RANBP2: variants seen among roughly 807,000 people sequenced by gnomAD.
RANBP2 encodes the protein RAN binding protein 2.
In RANBP2, 57 loss-of-function variants were observed where a neutral mutation model predicts 303.6. The observed-to-expected ratio is 0.19, with a 90% confidence interval of 0.15 to 0.23. RANBP2 has a LOEUF of 0.23. Ranked by LOEUF, RANBP2 falls within the 10% of genes least tolerant of loss-of-function variation. The pLI, the probability that RANBP2 is intolerant of heterozygous loss-of-function variation, is 1.00. For missense variants in RANBP2, 3,138 were observed against 3,780.8 expected, an observed-to-expected ratio of 0.83 and a Z score of 4.46; for synonymous variants, 1,167 against 1,301.5, an observed-to-expected ratio of 0.90 and a Z score of 2.23.
the RANBP2 span, chr2:109,544,239 G>T: frequency 6.2e-7 from 1 of 1,611,748 alleles, no homozygotes; most frequent in Non-Finnish European, 8.5e-7. Flanking sequence ...CAAAATCAAA[G>T]CACACTTCTA....
chr2:109,359,159 A>G, the RANBP2 span, among the ~76,000 whole-genome samples: 1 of 152,184 alleles, frequency 6.6e-6, no homozygotes, highest in Non-Finnish European at 1.5e-5. Flanking sequence ...ATTGCCAATG[A>G]CAGACTGTCT....
the RANBP2 span, among the ~76,000 whole-genome samples, chr2:109,651,678 G>A: frequency 2.0e-5 from 3 of 152,170 alleles, no homozygotes; most frequent in Non-Finnish European, 2.9e-5. Context: ...TGATTTGAGC[G>A]GTTGGCTGGG....
the RANBP2 span, among the ~76,000 whole-genome samples, chr2:109,676,229 C>A: frequency 6.6e-6 from 1 of 152,246 alleles, no homozygotes; most frequent in South Asian, 2.1e-4. Context: ...CACGTCCACA[C>A]CCTGGAAGGT....
At chr2:108,982,737 G>T in the RANBP2 span, among the ~76,000 whole-genome samples, 4 of 152,160 alleles carry the variant, frequency 2.6e-5, no homozygotes, top group East Asian at 7.7e-4. Context: ...CTGGTTTTTA[G>T]AATTGACTCA....
the RANBP2 span, among the ~76,000 whole-genome samples, chr2:109,739,893 C>T: frequency 6.9e-6 from 1 of 145,842 alleles, no homozygotes; most frequent in Non-Finnish European, 1.5e-5. Flanking sequence ...AGGTATGTTT[C>T]TTCTATACCC....
the RANBP2 span, among the ~76,000 whole-genome samples, chr2:109,598,794 T>G: frequency 1.3e-5 from 2 of 151,960 alleles, no homozygotes; most frequent in Admixed American, 6.6e-5. Context: ...GCAGGAGAAC[T>G]GCTTGAACCA....
At chr2:109,289,444 A>G in the RANBP2 span, among the ~76,000 whole-genome samples, 1,219 of 152,244 alleles carry the variant, frequency 8.0e-3, 12 homozygotes, top group East Asian at 0.037. Context: ...TCTTGATGCT[A>G]CATGTCACGG....
chr2:109,390,498 TA>T, the RANBP2 span, among the ~76,000 whole-genome samples: 4,628 of 152,284 alleles, frequency 0.03, 223 homozygotes, highest in African/African-American at 0.11. Context: ...AATGACAATG[TA>T]GATTGCCAGT....
At chr2:108,936,539 C>T in the RANBP2 span, among the ~76,000 whole-genome samples, 1 of 152,276 alleles carries the variant, frequency 6.6e-6, no homozygotes, top group African/African-American at 2.4e-5. Context: ...CTCCTTCCTC[C>T]AGGAAGACCC....
At chr2:108,763,108 G>T in intron 19 of RANBP2, 129 bp from the exon 20 acceptor site, 2 of 1,107,710 alleles carry the variant, frequency 1.8e-6, no homozygotes, top group Non-Finnish European at 2.6e-6. Context: ...TTAATGATGT[G>T]TACTACATCC....
chr2:109,008,801 C>T, the RANBP2 span, among the ~76,000 whole-genome samples: 1 of 151,218 alleles, frequency 6.6e-6, no homozygotes, highest in Non-Finnish European at 1.5e-5. Context: ...ACTCAAGAGG[C>T]TGACGCAGAA....
intron 14 of RANBP2, 105 bp from the exon 15 acceptor site, chr2:108,753,720 G>C: frequency 2.5e-6 from 4 of 1,593,850 alleles, no homozygotes; most frequent in Non-Finnish European, 3.4e-6. Flanking sequence ...TTGTGCCTCA[G>C]CTCCCGAGTA....
chr2:109,600,363 G>A, the RANBP2 span, among the ~76,000 whole-genome samples: 1 of 152,034 alleles, frequency 6.6e-6, no homozygotes, highest in South Asian at 2.1e-4. Context: ...CCTCCTACAT[G>A]TCTGCTTGCA....
the RANBP2 span, among the ~76,000 whole-genome samples, chr2:108,824,906 G>T: frequency 6.6e-6 from 1 of 152,164 alleles, no homozygotes; most frequent in Non-Finnish European, 1.5e-5. Flanking sequence ...TATGTGGTCA[G>T]TTGACCGAAA....
chr2:109,364,842 G>C, the RANBP2 span, among the ~76,000 whole-genome samples: 3 of 152,130 alleles, frequency 2.0e-5, no homozygotes, highest in Non-Finnish European at 4.4e-5. Context: ...TGTACTCTCA[G>C]CACTTTGGGA....
the RANBP2 span, among the ~76,000 whole-genome samples, chr2:109,202,210 G>A: frequency 6.6e-6 from 1 of 152,186 alleles, no homozygotes; most frequent in Admixed American, 6.5e-5. Context: ...TGTTTCCCAA[G>A]CCACCTGTGG....
chr2:109,330,745 A>G, the RANBP2 span, among the ~76,000 whole-genome samples: 1 of 152,192 alleles, frequency 6.6e-6, no homozygotes, highest in African/African-American at 2.4e-5. Flanking sequence ...AGATGGGTGG[A>G]TAAAGATAAT....
chr2:108,808,368 A>G, the RANBP2 span, among the ~76,000 whole-genome samples: 20 of 152,330 alleles, frequency 1.3e-4, no homozygotes, highest in African/African-American at 2.9e-4. Flanking sequence ...TCCTGTGAAT[A>G]TATACCCAGA....
At chr2:109,080,969 A>G in the RANBP2 span, among the ~76,000 whole-genome samples, 2 of 152,218 alleles carry the variant, frequency 1.3e-5, no homozygotes. Context: ...CTGACACAAC[A>G]TTCAAAACTC....
Sources: allele counts gnomAD v4.1 joint callset (sites outside exome capture counted in the v4.1 genomes callset), GRCh38; gene constraint gnomAD v4.1.1; transcripts MANE v1.5; gene names NCBI Gene and HGNC (gene_info 2026-07-23, HGNC 2026-07-21).